Variants in APPBP2 observed in about 807,000 individuals in gnomAD.
APPBP2 encodes the protein amyloid beta precursor protein binding protein 2.
A neutral mutation model predicts 76.0 loss-of-function variants in APPBP2; 15 were observed. The ratio of observed to expected loss-of-function variants is 0.20; its 90% CI spans 0.13 to 0.30. APPBP2 has a LOEUF of 0.30. Among genes scored for constraint, APPBP2 ranks in the 10% least tolerant of loss-of-function variants. The probability of loss-of-function intolerance (pLI) is 1.00; values close to 1 mark genes in which losing one functional copy is unlikely to be tolerated. For missense variants in APPBP2, 401 were observed against 687.2 expected, an observed-to-expected ratio of 0.58 and a Z score of 4.66; for synonymous variants, 222 against 242.2, an observed-to-expected ratio of 0.92 and a Z score of 0.77.
At chr17:60,478,020 A>G (rs2143376405) in intron 4 of APPBP2, among the ~76,000 whole-genome samples, 1 of 152,116 alleles carries the variant, frequency 6.6e-6, no homozygotes, top group South Asian at 2.1e-4. Context: ...ACCCAAAACA[A>G]AAATACAATG....
chr17:60,486,857 C>T (rs2090683573), intron 3 of APPBP2, among the ~76,000 whole-genome samples: 1 of 152,142 alleles, frequency 6.6e-6, no homozygotes, highest in African/African-American at 2.4e-5. Context: ...ATCTTTAGTG[C>T]TTCCTTCAGA....
intron 3 of APPBP2, among the ~76,000 whole-genome samples, chr17:60,484,295 T>C (rs867975067): frequency 2.6e-5 from 4 of 152,190 alleles, no homozygotes; most frequent in Non-Finnish European, 5.9e-5. Flanking sequence ...GGAGATGGCA[T>C]TGAATCTATA....
rs190302313 is a variant in APPBP2 at position 60,495,419 on chromosome 17, T to A, written c.228-802A>T. ...ACCCCTTTACACCCAATAGAATTTT[T>A]AAAAATATTTTATTTATTTATTATT... On this transcript the variant is annotated intron_variant, in intron 2 of 12. Coordinates refer to ENST00000083182, the MANE Select transcript of APPBP2 (RefSeq NM_006380.5). Among the ~76,000 whole-genome samples the A allele has an allele frequency of 4.6e-3, 675 of 146,260 alleles. 4 individuals carry two copies. The highest frequency in any genetic ancestry group is 0.016 in the African/African-American group (611 of 37,578).
In APPBP2 at chr17:60,446,298, T is replaced by A. The variant is rs1465571441; in HGVS notation, c.*1283A>T. On this transcript the variant is annotated 3_prime_UTR_variant, in exon 13 of 13. Coordinates refer to ENST00000083182, the MANE Select transcript of APPBP2 (RefSeq NM_006380.5). The stretch of plus-strand genomic sequence containing the variant: ...CAAATTCTTAAATTTGATTATTACC[T>A]CATCATTAAATAACCTGACTGGCTT... The A allele has an allele frequency of 6.6e-6, 1 of 152,576 alleles. No individual in the cohort carries two copies. The highest frequency in any genetic ancestry group is 1.5e-5 in the Non-Finnish European group (1 of 68,032). 9.5% of individuals were successfully genotyped at this position (152,576 alleles called of 1,614,324 possible).
chr17:60,501,659 T>C (rs1365738968), intron 1 of APPBP2, among the ~76,000 whole-genome samples: 2 of 152,168 alleles, frequency 1.3e-5, no homozygotes, highest in Non-Finnish European at 2.9e-5. Flanking sequence ...AATTTACACA[T>C]GCTATATAAA....
At chr17:60,498,171 G>C (rs2090791991) in intron 2 of APPBP2, among the ~76,000 whole-genome samples, 2 of 151,864 alleles carry the variant, frequency 1.3e-5, no homozygotes, top group Admixed American at 6.6e-5. Flanking sequence ...AGCCAGATCT[G>C]TAGCTACTAC....
At chr17:60,448,509 T>C (rs555516390) in intron 12 of APPBP2, among the ~76,000 whole-genome samples, 1 of 152,308 alleles carries the variant, frequency 6.6e-6, no homozygotes, top group Admixed American at 6.5e-5. Context: ...TGCACAAGGC[T>C]ATTCACTGCA....
intron 3 of APPBP2, among the ~76,000 whole-genome samples, chr17:60,480,734 T>C (rs1598357545): frequency 1.3e-5 from 2 of 152,172 alleles, no homozygotes; most frequent in Non-Finnish European, 2.9e-5. Context: ...TTCAAACCCA[T>C]ACTACTAGAG....
At chr17:60,516,396 T>C (rs1476154274) in intron 1 of APPBP2, among the ~76,000 whole-genome samples, 1 of 152,212 alleles carries the variant, frequency 6.6e-6, no homozygotes, top group African/African-American at 2.4e-5. Context: ...AACTACTTAA[T>C]AAACAGAACT....
intron 12 of APPBP2, among the ~76,000 whole-genome samples, 182 bp downstream of exon 12, chr17:60,451,698 C>T (rs1179103400): frequency 1.3e-5 from 2 of 151,980 alleles, no homozygotes; most frequent in Non-Finnish European, 2.9e-5. Context: ...AGGCTGGTCT[C>T]GAACTCCTGA....
intron 2 of APPBP2, among the ~76,000 whole-genome samples, chr17:60,495,890 CATGAACAGATG>C (rs1333467305): frequency 6.6e-6 from 1 of 152,086 alleles, no homozygotes; most frequent in Non-Finnish European, 1.5e-5. Context: ...CTCAAATGTT[CATGAACAGATG>C]ACTGGATAAG....
Position 60,471,877 on chromosome 17 carries a change from G to A in APPBP2, c.504-5418C>T, listed in dbSNP as rs1036800347. 2.0e-5 allele frequency among the ~76,000 whole-genome samples: 3 copies of A among 152,172 alleles called. No homozygotes were observed. In the East Asian group the frequency reaches 5.8e-4, roughly 29 times the overall value. The stretch of plus-strand genomic sequence containing the variant: ...GCAGTGGCTCATGCCTGTAATCCTA[G>A]AACTTTGGGAGGCCAAGGTGGGCAG... On this transcript the variant is annotated intron_variant, in intron 4 of 12. Coordinates refer to ENST00000083182, the MANE Select transcript of APPBP2 (RefSeq NM_006380.5).
intron 9 of APPBP2, among the ~76,000 whole-genome samples, chr17:60,459,124 T>G (rs567914160): frequency 6.6e-6 from 1 of 152,166 alleles, no homozygotes; most frequent in Non-Finnish European, 1.5e-5. Flanking sequence ...GTTCATTATG[T>G]CTGCTGACTC....
rs1186387988 is a variant in APPBP2, at chr17:60,446,325, C to T, written c.*1256G>A. 1.3e-5 allele frequency: 2 copies of T among 152,382 alleles called. No homozygotes were observed. The highest frequency in any genetic ancestry group is 2.4e-5 in the African/African-American group (1 of 41,384). The allele number at this position is 152,382 out of a possible 1,614,324, so 9.4% of individuals were successfully genotyped here. A position where few individuals can be genotyped will look rare whatever the true frequency, so the allele number is the denominator to read the frequency against. On this transcript the variant is annotated 3_prime_UTR_variant, in exon 13 of 13. Transcript: ENST00000083182. The stretch of plus-strand genomic sequence containing the variant: ...ATCATTAAATAACCTGACTGGCTTA[C>T]AAAAAATCAAATCAAAACCCAATAA...
At chr17:60,493,918 A>AT (rs2090752136) in intron 3 of APPBP2, among the ~76,000 whole-genome samples, 1 of 152,160 alleles carries the variant, frequency 6.6e-6, no homozygotes, top group East Asian at 1.9e-4. Context: ...AACTACAGGC[A>AT]TGAGTCACCA....
chr17:60,503,409 C>CA (rs2090839025), intron 1 of APPBP2, among the ~76,000 whole-genome samples: 1 of 143,578 alleles, frequency 7.0e-6, no homozygotes, highest in Non-Finnish European at 1.5e-5. Flanking sequence ...TTTTTTGAGA[C>CA]AGAGTTTTGC....
chr17:60,473,869 T>A (rs1468516081), intron 4 of APPBP2, among the ~76,000 whole-genome samples: 1 of 152,216 alleles, frequency 6.6e-6, no homozygotes, highest in Non-Finnish European at 1.5e-5. Flanking sequence ...TAAATCCTTC[T>A]TTGGAATGAC....
At chr17:60,525,319 G>A (rs1036672029) in intron 1 of APPBP2, among the ~76,000 whole-genome samples, 32 of 152,250 alleles carry the variant, frequency 2.1e-4, no homozygotes, top group Non-Finnish European at 5.9e-5. Context: ...GAGAAACGAA[G>A]GAACACGAAG....
At chr17:60,503,829 G>A (rs1321140710) in intron 1 of APPBP2, among the ~76,000 whole-genome samples, 4 of 149,092 alleles carry the variant, frequency 2.7e-5, no homozygotes, top group Non-Finnish European at 4.4e-5. Flanking sequence ...TGAGGAAACT[G>A]AGTCATATAC....
Sources: gnomAD v4.1 joint callset for allele counts (sites outside exome capture counted in the v4.1 genomes callset) on GRCh38, gnomAD v4.1.1 for gene constraint, MANE v1.5 for transcripts, NCBI Gene and HGNC (gene_info 2026-07-23, HGNC 2026-07-21) for gene names.